Variants in LRRTM4 observed in about 807,000 individuals in gnomAD.
LRRTM4 encodes the protein leucine rich repeat transmembrane neuronal 4.
LRRTM4 carries 25 observed loss-of-function variants against 47.6 expected under a neutral mutation model. The observed-to-expected ratio is 0.53, with a 90% confidence interval of 0.38 to 0.73. The LOEUF is 0.73. LRRTM4 is among the 30% of genes least tolerant of loss of function. The pLI is 0.00. For synonymous variants in LRRTM4, 311 were observed against 269.5 expected, an observed-to-expected ratio of 1.15 and a Z score of -1.51; for missense variants, 638 against 713.4, an observed-to-expected ratio of 0.89 and a Z score of 1.20.
intron 3 of LRRTM4, among the ~76,000 whole-genome samples, chr2:76,831,867 G>A (rs1169052099): frequency 6.6e-6 from 1 of 151,862 alleles, no homozygotes; most frequent in African/African-American, 2.4e-5. Flanking sequence ...ATCTATATTT[G>A]ACGCAATGTA....
At chr2:76,801,186 T>C (rs185386119) in intron 3 of LRRTM4, among the ~76,000 whole-genome samples, 10 of 152,252 alleles carry the variant, frequency 6.6e-5, no homozygotes, top group African/African-American at 2.4e-4. Flanking sequence ...TGCCTATAAA[T>C]CATTGCTGCT....
chr2:77,304,931 T>C (rs1317244651), intron 3 of LRRTM4, among the ~76,000 whole-genome samples: 1 of 152,068 alleles, frequency 6.6e-6, no homozygotes, highest in Admixed American at 6.6e-5. Context: ...GTTAAAACGA[T>C]ATCATTTAAG....
At chr2:76,798,687 A>AATTG (rs1460807052) in intron 3 of LRRTM4, among the ~76,000 whole-genome samples, 9 of 151,300 alleles carry the variant, frequency 5.9e-5, no homozygotes, top group Admixed American at 2.0e-4. Flanking sequence ...GGATCAACAA[A>AATTG]ATTGATAGAC....
chr2:77,376,920 C>G (rs1424840765), intron 3 of LRRTM4, among the ~76,000 whole-genome samples: 1 of 151,896 alleles, frequency 6.6e-6, no homozygotes, highest in African/African-American at 2.4e-5. Flanking sequence ...AGAATAACTA[C>G]AAGAACTATT....
At chr2:77,172,301 T>G (rs1673069998) in intron 3 of LRRTM4, among the ~76,000 whole-genome samples, 1 of 152,136 alleles carries the variant, frequency 6.6e-6, no homozygotes, top group Non-Finnish European at 1.5e-5. Flanking sequence ...TATATTCATT[T>G]AAAGGGCTAA....
chr2:76,908,292 A>T (rs537981658), intron 3 of LRRTM4, among the ~76,000 whole-genome samples: 1 of 152,266 alleles, frequency 6.6e-6, no homozygotes, highest in Non-Finnish European at 1.5e-5. Context: ...AAAATTTAAC[A>T]ACCTTCATGC....
At chr2:77,185,731 C>T (rs1673483473) in intron 3 of LRRTM4, among the ~76,000 whole-genome samples, 1 of 152,104 alleles carries the variant, frequency 6.6e-6, no homozygotes, top group Non-Finnish European at 1.5e-5. Flanking sequence ...CCTACACTAT[C>T]CCCTGAGAAT....
At chr2:76,925,570 T>C (rs574553444) in intron 3 of LRRTM4, among the ~76,000 whole-genome samples, 1 of 152,300 alleles carries the variant, frequency 6.6e-6, no homozygotes. Context: ...GATGCCCTTA[T>C]CCACAAACAA....
chr2:77,354,381 C>T (rs1378747008), intron 3 of LRRTM4, among the ~76,000 whole-genome samples: 1 of 128,680 alleles, frequency 7.8e-6, no homozygotes, highest in Non-Finnish European at 1.6e-5. Context: ...TGAAGATCTT[C>T]TTAAAATGTA....
At chr2:77,248,232 T>G (rs1177429509) in intron 3 of LRRTM4, among the ~76,000 whole-genome samples, 1 of 151,698 alleles carries the variant, frequency 6.6e-6, no homozygotes, top group Non-Finnish European at 1.5e-5. Context: ...TGTGAGTATA[T>G]GTGTGTTTGT....
rs143149058 is a variant in LRRTM4 at position 76,892,098 on chromosome 2, A to G, written c.1552-143182T>C. Among the ~76,000 whole-genome samples the G allele has an allele frequency of 7.2e-5, 11 of 151,874 alleles. No homozygotes were observed. In the East Asian group the frequency reaches 2.1e-3, roughly 29 times the overall value. On this transcript the variant is annotated intron_variant, in intron 3 of 3. Transcript: ENST00000409884. ...ATTACTAAAACTGAATTTAAAATAC[A>G]AAAAATAAAATAAATTTAAGTCCAG...
At chr2:77,356,144 G>GT (rs970035794) in intron 3 of LRRTM4, among the ~76,000 whole-genome samples, 6 of 152,042 alleles carry the variant, frequency 3.9e-5, no homozygotes, top group Admixed American at 1.3e-4. Flanking sequence ...GGATAAAGTG[G>GT]TTTTTTTAAA....
chr2:77,215,070 G>A (rs1264238426), intron 3 of LRRTM4, among the ~76,000 whole-genome samples: 1 of 152,146 alleles, frequency 6.6e-6, no homozygotes, highest in East Asian at 1.9e-4. Flanking sequence ...GTGGCTTACT[G>A]TAGTCAATTT....
chr2:76,764,214 G>C (rs112174965), intron 3 of LRRTM4, among the ~76,000 whole-genome samples: 8,781 of 152,158 alleles, frequency 0.058, 311 homozygotes, highest in Non-Finnish European at 0.073. Flanking sequence ...AAAGAAACCA[G>C]AACTTAAAGA....
chr2:77,501,623 T>C (rs909180874), intron 3 of LRRTM4, among the ~76,000 whole-genome samples: 4 of 150,830 alleles, frequency 2.7e-5, no homozygotes, highest in Non-Finnish European at 4.5e-5. Context: ...TAAAATAAAA[T>C]ATAGAATAAT....
intron 3 of LRRTM4, among the ~76,000 whole-genome samples, chr2:76,797,998 C>T (rs1675441577): frequency 7.3e-6 from 1 of 136,702 alleles, no homozygotes; most frequent in Non-Finnish European, 1.6e-5. Flanking sequence ...GAGACTTAGA[C>T]TCCCACACAT....
At chr2:77,189,364 A>T (rs1171108032) in intron 3 of LRRTM4, among the ~76,000 whole-genome samples, 1 of 152,132 alleles carries the variant, frequency 6.6e-6, no homozygotes. Context: ...TTTCATTTAG[A>T]TGTTCTTAAA....
chr2:76,864,002 A>G (rs1264589861), intron 3 of LRRTM4, among the ~76,000 whole-genome samples: 1 of 152,192 alleles, frequency 6.6e-6, no homozygotes, highest in African/African-American at 2.4e-5. Flanking sequence ...ACATTTTAAC[A>G]GAGGAAAATC....
chr2:76,901,335 G>T (rs890084284), intron 3 of LRRTM4, among the ~76,000 whole-genome samples: 4 of 152,090 alleles, frequency 2.6e-5, no homozygotes, highest in African/African-American at 9.7e-5. Context: ...GTTTGCTTAG[G>T]ATGATGGCTT....
Sources: allele counts gnomAD v4.1 joint callset (sites outside exome capture counted in the v4.1 genomes callset), GRCh38; gene constraint gnomAD v4.1.1; transcripts MANE v1.5; gene names NCBI Gene and HGNC (gene_info 2026-07-23, HGNC 2026-07-21).